Variants in CNTN5 observed in about 807,000 individuals in gnomAD.
CNTN5 encodes the protein contactin 5.
CNTN5 carries 77 observed loss-of-function variants against 129.1 expected under a neutral mutation model. The ratio of observed to expected loss-of-function variants is 0.60; its 90% confidence interval spans 0.50 to 0.72. CNTN5 has a LOEUF of 0.72. Among genes scored for constraint, CNTN5 ranks in the 30% least tolerant of loss-of-function variants. The pLI is 0.00. For missense variants in CNTN5, 1,478 were observed against 1,328.8 expected, an observed-to-expected ratio of 1.11 and a Z score of -1.75; for synonymous variants, 509 against 465.6, an observed-to-expected ratio of 1.09 and a Z score of -1.20.
intron 1 of CNTN5, among the ~76,000 whole-genome samples, chr11:99,299,518 AAAAG>A (rs1488265376): frequency 2.0e-5 from 3 of 152,210 alleles, no homozygotes; most frequent in African/African-American, 7.2e-5. Context: ...ACAAACCAAA[AAAAG>A]GAAGTAAAGA....
intron 13 of CNTN5, among the ~76,000 whole-genome samples, chr11:100,116,463 T>C (rs2138142045): frequency 6.6e-6 from 1 of 151,838 alleles, no homozygotes; most frequent in South Asian, 2.1e-4. Context: ...TAACATAGTA[T>C]ATTCAGGTAT....
intron 2 of CNTN5, among the ~76,000 whole-genome samples, chr11:99,478,893 T>C (rs1001774886): frequency 1.3e-5 from 2 of 152,174 alleles, no homozygotes; most frequent in African/African-American, 4.8e-5. Context: ...TATACATTAA[T>C]GTCCATTTAA....
chr11:100,022,102 C>T (rs1941187611), intron 9 of CNTN5, among the ~76,000 whole-genome samples: 1 of 152,174 alleles, frequency 6.6e-6, no homozygotes, highest in Admixed American at 6.6e-5. Context: ...TTAATCTCTT[C>T]TGGCAACACC....
At chr11:100,152,143 A>G (rs1271739528) in intron 13 of CNTN5, among the ~76,000 whole-genome samples, 6 of 152,096 alleles carry the variant, frequency 3.9e-5, no homozygotes, top group Non-Finnish European at 8.8e-5. Flanking sequence ...GCCTGCCTGA[A>G]TTGTTGTGAC....
At chr11:99,068,627 T>C (rs1342456437) in intron 1 of CNTN5, among the ~76,000 whole-genome samples, 2 of 152,160 alleles carry the variant, frequency 1.3e-5, no homozygotes, top group Admixed American at 1.3e-4. Flanking sequence ...CATTTCATTC[T>C]CAAAGCTGCG....
At chr11:99,482,922 ACT>A (rs1301952569) in intron 2 of CNTN5, among the ~76,000 whole-genome samples, 1 of 151,992 alleles carries the variant, frequency 6.6e-6, no homozygotes, top group African/African-American at 2.4e-5. Flanking sequence ...TACAAAAATA[ACT>A]CTTAAAACTC....
Position 99,343,401 on chromosome 11 carries a change from G to A in CNTN5, c.-71+17917G>A, listed in dbSNP as rs559304715. Among the ~76,000 whole-genome samples the A allele has an allele frequency of 2.6e-4, 39 of 152,314 alleles. 1 individual carries two copies. In the South Asian group the frequency reaches 7.9e-3, roughly 31 times the overall value. On this transcript the variant is annotated intron_variant, in intron 2 of 24. Transcript: ENST00000524871. The stretch of plus-strand genomic sequence containing the variant: ...AAGGTTTCTGACTCTGAATTACATA[G>A]TGTTAGTGAGTGCTTCATTATAAGA...
At chr11:99,025,416 T>A (rs1034519927) in intron 1 of CNTN5, among the ~76,000 whole-genome samples, 1 of 151,848 alleles carries the variant, frequency 6.6e-6, no homozygotes, top group Non-Finnish European at 1.5e-5. Flanking sequence ...TATTTAAACA[T>A]TTTATGAAGG....
At chr11:99,165,965 G>A (rs922631663) in intron 1 of CNTN5, among the ~76,000 whole-genome samples, 1 of 152,134 alleles carries the variant, frequency 6.6e-6, no homozygotes, top group Non-Finnish European at 1.5e-5. Flanking sequence ...TTTAAATTTT[G>A]TATTATATTA....
intron 7 of CNTN5, among the ~76,000 whole-genome samples, chr11:99,927,235 T>C (rs2136059482): frequency 6.6e-6 from 1 of 152,292 alleles, no homozygotes; most frequent in East Asian, 1.9e-4. Context: ...GTTTTATAAG[T>C]AAGTTATTGT....
At chr11:100,068,033 T>C (rs999547064) in intron 10 of CNTN5, among the ~76,000 whole-genome samples, 2 of 152,156 alleles carry the variant, frequency 1.3e-5, no homozygotes, top group Non-Finnish European at 2.9e-5. Context: ...TCCTAGCTCT[T>C]CATTTCTGTA....
At chr11:99,428,623 A>G (rs1943239154) in intron 2 of CNTN5, among the ~76,000 whole-genome samples, 1 of 151,744 alleles carries the variant, frequency 6.6e-6, no homozygotes, top group Admixed American at 6.6e-5. Context: ...TCTTTAATTG[A>G]AAATAACCCA....
chr11:99,394,762 T>A (rs1215768232), intron 2 of CNTN5, among the ~76,000 whole-genome samples: 1 of 151,818 alleles, frequency 6.6e-6, no homozygotes, highest in Non-Finnish European at 1.5e-5. Context: ...ATTCTCATTA[T>A]TTAGTCCCAG....
intron 1 of CNTN5, among the ~76,000 whole-genome samples, chr11:99,303,204 G>C (rs192311486): frequency 6.6e-6 from 1 of 151,624 alleles, no homozygotes; most frequent in Admixed American, 6.6e-5. Flanking sequence ...GATGCTTATC[G>C]ATTTTAGAAG....
At chr11:99,970,684 C>T (rs571088669) in intron 8 of CNTN5, among the ~76,000 whole-genome samples, 7 of 152,104 alleles carry the variant, frequency 4.6e-5, no homozygotes, top group African/African-American at 1.4e-4. Context: ...GGGGGAGGTG[C>T]GGGGGTATTG....
intron 6 of CNTN5, among the ~76,000 whole-genome samples, chr11:99,909,022 T>C (rs1410690666): frequency 6.6e-6 from 1 of 152,106 alleles, no homozygotes; most frequent in Non-Finnish European, 1.5e-5. Flanking sequence ...AATTTGTCAT[T>C]ATCTTTACAG....
chr11:99,082,593 A>C (rs1865849307), intron 1 of CNTN5, among the ~76,000 whole-genome samples: 1 of 152,192 alleles, frequency 6.6e-6, no homozygotes, highest in East Asian at 1.9e-4. Flanking sequence ...AATAGCAAGG[A>C]AGAAAACCTT....
intron 15 of CNTN5, among the ~76,000 whole-genome samples, chr11:100,222,319 A>C (rs1949281786): frequency 6.6e-6 from 1 of 152,210 alleles, no homozygotes; most frequent in Non-Finnish European, 1.5e-5. Context: ...AGAACCAAGT[A>C]AAGGACAACA....
At chr11:100,157,131 T>G (rs538125287) in intron 13 of CNTN5, among the ~76,000 whole-genome samples, 13 of 151,968 alleles carry the variant, frequency 8.6e-5, no homozygotes, top group African/African-American at 3.1e-4. Flanking sequence ...ATCACTTTTC[T>G]TAATATGCAA....
Sources: gnomAD v4.1 joint callset for allele counts (sites outside exome capture counted in the v4.1 genomes callset) on GRCh38, gnomAD v4.1.1 for gene constraint, MANE v1.5 for transcripts, NCBI Gene and HGNC (gene_info 2026-07-23, HGNC 2026-07-21) for gene names.